The following CAMK2B variants were observed in gnomAD, a reference collection of about 807,000 sequenced individuals.
The protein encoded by CAMK2B is calcium/calmodulin dependent protein kinase II beta, also known as calcium/calmodulin-dependent protein kinase type II subunit beta.
In CAMK2B, 27 loss-of-function variants were observed where a neutral mutation model predicts 93.7. The ratio of observed to expected loss-of-function variants is 0.29; its 90% CI spans 0.21 to 0.40. The LOEUF (loss-of-function observed/expected upper bound fraction) is 0.40, where lower values mean the gene tolerates loss of function less well. Among genes scored for constraint, CAMK2B ranks in the 10% least tolerant of loss-of-function variants. CAMK2B has a pLI of 1.00. For missense variants in CAMK2B, 568 were observed against 895.8 expected (o/e 0.63, Z 4.67); for synonymous variants, 374 against 358.8 (o/e 1.04, Z -0.48).
intron 1 of CAMK2B, among the ~76,000 whole-genome samples, chr7:44,288,512 A>G (rs1041944662): frequency 8.5e-5 from 13 of 152,366 alleles, no homozygotes; most frequent in Middle Eastern, 6.8e-3. Flanking sequence ...GGTTGCCCGC[A>G]TGATGGCCTG....
At chr7:44,264,593 G>A (rs982712578) in intron 2 of CAMK2B, among the ~76,000 whole-genome samples, 1 of 152,210 alleles carries the variant, frequency 6.6e-6, no homozygotes, top group Admixed American at 6.5e-5. Flanking sequence ...CATGGAGGGA[G>A]TCAGACCCCA....
intron 4 of CAMK2B, among the ~76,000 whole-genome samples, chr7:44,256,792 G>A (rs977639342): frequency 6.6e-6 from 1 of 152,230 alleles, no homozygotes; most frequent in Non-Finnish European, 1.5e-5. Context: ...TGCTCTGTGT[G>A]CTCAGGAAGC....
chr7:44,284,371 T>C, intron 1 of CAMK2B, 146 bp from the exon 2 acceptor site: 4 of 637,174 alleles, frequency 6.3e-6, no homozygotes, highest in Non-Finnish European at 1.1e-5. Flanking sequence ...AGTCAGAAAC[T>C]GTGAGGAAGT....
intron 1 of CAMK2B, among the ~76,000 whole-genome samples, chr7:44,290,193 A>T (rs756600769): frequency 6.6e-6 from 1 of 152,218 alleles, no homozygotes; most frequent in East Asian, 1.9e-4. Flanking sequence ...GAAGTTCTTA[A>T]ATTTTAGAAT....
intron 4 of CAMK2B, among the ~76,000 whole-genome samples, chr7:44,257,322 C>T (rs2096842673): frequency 6.6e-6 from 1 of 152,152 alleles, no homozygotes; most frequent in South Asian, 2.1e-4. Flanking sequence ...CCTGACTCGC[C>T]AGCCAATCTC....
In CAMK2B at chr7:44,277,448, G is replaced by A. The variant is rs533897381; in HGVS notation, c.160+6683C>T. ...TGGCCGAGTATTTCGGTAAGTGGGG[G>A]CCTGAGTGTTTCTGGAGTGGCATCC... On this transcript the variant is annotated intron_variant, in intron 2 of 23. Transcript: ENST00000395749. Among the ~76,000 whole-genome samples, 6 of 152,308 alleles carry A rather than the reference G, an allele frequency of 3.9e-5. No homozygotes were observed. The East Asian group carries it at 1.2e-3, about 29-fold the overall frequency.
chr7:44,232,558 C>T (rs886550990), intron 16 of CAMK2B, among the ~76,000 whole-genome samples: 1 of 152,172 alleles, frequency 6.6e-6, no homozygotes, highest in African/African-American at 2.4e-5. Flanking sequence ...AGGTGGGACA[C>T]GCAGAGCCCT....
intron 22 of CAMK2B, 140 bp from the exon 23 acceptor site, chr7:44,220,434 C>T (rs2096386246): frequency 9.2e-6 from 8 of 865,688 alleles, no homozygotes; most frequent in Non-Finnish European, 1.4e-5. Context: ...CAGCATGGGC[C>T]CCTCCAAGAG....
chr7:44,293,731 T>C (rs1446413507), intron 1 of CAMK2B, among the ~76,000 whole-genome samples: 1 of 152,226 alleles, frequency 6.6e-6, no homozygotes, highest in Non-Finnish European at 1.5e-5. Flanking sequence ...TCCGCTGATC[T>C]GACAGGAGGC....
At chr7:44,319,911 T>C (rs531421703) in intron 1 of CAMK2B, among the ~76,000 whole-genome samples, 185 of 152,182 alleles carry the variant, frequency 1.2e-3, no homozygotes, top group Non-Finnish European at 1.6e-3. Context: ...CATCTGTGTT[T>C]TGAAATCATC....
At chr7:44,276,321 G>T (rs930543834) in intron 2 of CAMK2B, among the ~76,000 whole-genome samples, 1 of 152,280 alleles carries the variant, frequency 6.6e-6, no homozygotes, top group Admixed American at 6.5e-5. Context: ...TGCCGACCAG[G>T]CACTCATTAT....
At position 44,220,686 on chromosome 7, in the gene CAMK2B, G is replaced by A; in HGVS notation, c.1698C>T (p.Thr566=). The change falls in exon 22 of 24, where the codon ACC becomes ACT. Residue 566 remains threonine, a synonymous_variant. Transcript: ENST00000395749. ...TGCCCAGTGCTTCAGGCTCAAACGA[G>A]GTCAGCCCTGGGTCACAGATTTTCC... ...AYAKICDPGL[T]SFEPEALGNL... 1 of 1,613,220 alleles carries A rather than the reference G, an allele frequency of 6.2e-7. No homozygotes were observed. Among genetic ancestry groups the A allele is most frequent in the Non-Finnish European group, 8.5e-7 (1 of 1,179,752 alleles).
intron 1 of CAMK2B, among the ~76,000 whole-genome samples, chr7:44,307,425 C>A (rs1563089849): frequency 1.6e-5 from 2 of 122,122 alleles, no homozygotes; most frequent in Non-Finnish European, 3.5e-5. Flanking sequence ...AGGGTGTGAT[C>A]AGGGGGAGGA....
chr7:44,244,333 C>T (rs1218115690), intron 6 of CAMK2B, among the ~76,000 whole-genome samples: 2 of 152,176 alleles, frequency 1.3e-5, no homozygotes, highest in South Asian at 2.1e-4. Context: ...GCACTGAGGG[C>T]CTGAGGGGGT....
At chr7:44,323,524 G>C (rs544803355) in intron 1 of CAMK2B, among the ~76,000 whole-genome samples, 2 of 152,182 alleles carry the variant, frequency 1.3e-5, no homozygotes, top group South Asian at 2.1e-4. Context: ...CGCTGGAATC[G>C]GAGGCTCAGC....
At chr7:44,235,078 C>T (rs2096613372) in intron 13 of CAMK2B, among the ~76,000 whole-genome samples, 2 of 152,238 alleles carry the variant, frequency 1.3e-5, no homozygotes, top group South Asian at 4.1e-4. Context: ...TGAGCCAGCA[C>T]CCCAGAGGTC....
chr7:44,241,180 C>A (rs189571657), intron 11 of CAMK2B, among the ~76,000 whole-genome samples: 1 of 152,130 alleles, frequency 6.6e-6, no homozygotes, highest in Non-Finnish European at 1.5e-5. Context: ...AGTCCCCATC[C>A]CGGAACCCAC....
intron 3 of CAMK2B, among the ~76,000 whole-genome samples, chr7:44,259,218 C>G (rs1205226738): frequency 6.6e-6 from 1 of 152,234 alleles, no homozygotes; most frequent in Non-Finnish European, 1.5e-5. Flanking sequence ...CTGTCTCCTT[C>G]TGCCAGAGAG....
rs566271327 is a variant in CAMK2B at position 44,286,398 on chromosome 7, G to T, written c.66-2173C>A. On this transcript the variant is annotated intron_variant, in intron 1 of 23. Transcript: ENST00000395749. This position sits in a 1 kb window ranked among gnomAD's most constrained non-coding sequence, Gnocchi z 4.0. Reference sequence around the variant, plus strand: ...CTGCAGGGTTGACCCTCAGTAGGAAGTTCAACAGACTGCACATCTATGCCA... The same window carrying T: ...CTGCAGGGTTGACCCTCAGTAGGAATTTCAACAGACTGCACATCTATGCCA... Among the ~76,000 whole-genome samples, 1 of 152,296 alleles carries T rather than the reference G, an allele frequency of 6.6e-6. No individual in the cohort carries two copies. Among genetic ancestry groups the T allele is most frequent in the African/African-American group, 2.4e-5 (1 of 41,562 alleles).
Sources: gnomAD v4.1 joint callset for allele counts (sites outside exome capture counted in the v4.1 genomes callset) on GRCh38, gnomAD v4.1.1 for gene constraint, Gnocchi (gnomAD v3.1) non-coding constraint, MANE v1.5 for transcripts, NCBI Gene and HGNC (gene_info 2026-07-23, HGNC 2026-07-21) for gene names.